DCDC2C: variants seen among roughly 807,000 people sequenced by gnomAD.
DCDC2C encodes the protein doublecortin domain containing 2C.
In DCDC2C, 44 loss-of-function variants were observed where a neutral mutation model predicts 45.0. That is an observed-to-expected ratio of 0.98 (90% CI 0.77 to 1.26). The LOEUF is 1.26. Ranked by LOEUF, DCDC2C falls within the 50% of genes most tolerant of loss-of-function variation. The probability of loss-of-function intolerance (pLI) is 0.00; values close to 1 mark genes in which losing one functional copy is unlikely to be tolerated. For synonymous variants in DCDC2C, 187 were observed against 178.8 expected, an observed-to-expected ratio of 1.05 and a Z score of -0.37; for missense variants, 447 against 468.9, an observed-to-expected ratio of 0.95 and a Z score of 0.43.
At chr2:3,777,877 G>A (rs13028529) in intron 8 of DCDC2C, among the ~76,000 whole-genome samples, 70,179 of 152,146 alleles carry the variant, frequency 0.46, 16,662 homozygotes, top group East Asian at 0.67. Context: ...TCACTTCTCT[G>A]CCCACTGTGA....
intron 10 of DCDC2C, among the ~76,000 whole-genome samples, chr2:3,843,402 G>C (rs1344617682): frequency 6.6e-6 from 1 of 152,314 alleles, no homozygotes; most frequent in East Asian, 1.9e-4. Flanking sequence ...AGTTCTCCAC[G>C]TCAGCTGAGC....
At position 3,711,040 on chromosome 2, in the gene DCDC2C, A is replaced by G. The variant is rs560513984; in HGVS notation, c.339+2440A>G. Among the ~76,000 whole-genome samples the G allele has an allele frequency of 1.2e-4, 19 of 152,378 alleles. No homozygotes were observed. The East Asian group carries it at 3.5e-3, about 28-fold the overall frequency. On this transcript the variant is annotated intron_variant, in intron 2 of 10. Transcript: ENST00000399143. Reference sequence around the variant, plus strand: ...CTGAACTAATTACATTCCCACCAACAGTGTATAAGCATTCCCTTTTCTCCA... The same window carrying G: ...CTGAACTAATTACATTCCCACCAACGGTGTATAAGCATTCCCTTTTCTCCA...
chr2:3,738,540 G>GGAA (rs1553373461), intron 3 of DCDC2C, among the ~76,000 whole-genome samples: 8 of 72,010 alleles, frequency 1.1e-4, no homozygotes, highest in African/African-American at 4.4e-4. Flanking sequence ...GTCTATCTGG[G>GGAA]AAAAAAAAAA....
intron 10 of DCDC2C, among the ~76,000 whole-genome samples, chr2:3,796,896 G>A (rs145707476): frequency 0.19 from 29,622 of 151,996 alleles, 3,273 homozygotes; most frequent in South Asian, 0.36. Flanking sequence ...AATGAGTTAC[G>A]GAGGATTCCC....
chr2:3,767,616 C>A, intron 6 of DCDC2C, 138 bp from the exon 7 acceptor site: 1 of 906,146 alleles, frequency 1.1e-6, no homozygotes, highest in Non-Finnish European at 1.6e-6. Context: ...CGAAGTGAGG[C>A]TTCTTGGAGG....
chr2:3,758,557 C>T (rs1669789203), intron 6 of DCDC2C, among the ~76,000 whole-genome samples: 1 of 152,186 alleles, frequency 6.6e-6, no homozygotes. Flanking sequence ...AGAGTGACAG[C>T]CAGCTCTTGT....
At chr2:3,802,280 T>TG (rs1671132900) in intron 10 of DCDC2C, among the ~76,000 whole-genome samples, 1 of 152,228 alleles carries the variant, frequency 6.6e-6, no homozygotes, top group African/African-American at 2.4e-5. Context: ...TTCTGAACTC[T>TG]GGGGTGAAAG....
Position 3,753,959 on chromosome 2 carries a change from T to C in DCDC2C, c.684-633T>C, listed in dbSNP as rs577717818. On this transcript the variant is annotated intron_variant, in intron 5 of 10. Coordinates refer to ENST00000399143, the MANE Select transcript of DCDC2C (RefSeq NM_001287444.2). Reference sequence around the variant, plus strand: ...TTGACTTAATTCGTGCTAATAGTCCTAATAGCACAGTGAGGAGGAACACTG... The same window carrying C: ...TTGACTTAATTCGTGCTAATAGTCCCAATAGCACAGTGAGGAGGAACACTG... Among the ~76,000 whole-genome samples, 11 of 152,316 alleles carry C rather than the reference T, an allele frequency of 7.2e-5. No homozygotes were observed. In the East Asian group the frequency reaches 2.1e-3, roughly 29 times the overall value.
intron 10 of DCDC2C, among the ~76,000 whole-genome samples, chr2:3,790,637 G>A (rs1313688181): frequency 6.6e-6 from 1 of 152,070 alleles, no homozygotes; most frequent in South Asian, 2.1e-4. Flanking sequence ...TATCTTTACT[G>A]TTTTTTCTCT....
chr2:3,705,140 T>C (rs1668033365), intron 1 of DCDC2C, among the ~76,000 whole-genome samples: 1 of 152,212 alleles, frequency 6.6e-6, no homozygotes, highest in South Asian at 2.1e-4. Context: ...GTTTTGTTTG[T>C]TGTTTTTTGA....
intron 4 of DCDC2C, among the ~76,000 whole-genome samples, chr2:3,746,284 C>T (rs112796415): frequency 0.046 from 6,946 of 152,232 alleles, 176 homozygotes; most frequent in East Asian, 0.086. Flanking sequence ...CTGAAGGACG[C>T]GGAGGAGCTG....
At chr2:3,834,559 T>C (rs1302121727) in intron 10 of DCDC2C, among the ~76,000 whole-genome samples, 2 of 152,320 alleles carry the variant, frequency 1.3e-5, no homozygotes, top group Middle Eastern at 3.4e-3. Context: ...TGGGAGGAAA[T>C]GCAGAGATCA....
chr2:3,790,169 G>A (rs1011280863), intron 10 of DCDC2C, among the ~76,000 whole-genome samples: 6 of 152,126 alleles, frequency 3.9e-5, no homozygotes, highest in Admixed American at 1.3e-4. Flanking sequence ...GAAACTGTGC[G>A]CCTTCTGCCA....
intron 2 of DCDC2C, among the ~76,000 whole-genome samples, chr2:3,714,724 T>C (rs1668305357): frequency 1.3e-5 from 2 of 152,236 alleles, no homozygotes; most frequent in Admixed American, 6.5e-5. Flanking sequence ...CATGATTTCC[T>C]GCCTTACTGA....
intron 4 of DCDC2C, among the ~76,000 whole-genome samples, chr2:3,746,646 T>G (rs1044076179): frequency 1.3e-5 from 2 of 151,938 alleles, no homozygotes; most frequent in Non-Finnish European, 2.9e-5. Context: ...AGCCGGGAGG[T>G]GATAAACAAT....
chr2:3,833,213 C>T (rs541145359), intron 10 of DCDC2C, among the ~76,000 whole-genome samples: 47 of 152,302 alleles, frequency 3.1e-4, no homozygotes, highest in Admixed American at 1.2e-3. Context: ...TTATGTTGGG[C>T]ACTCTGGATG....
At chr2:3,714,752 A>G (rs1200252409) in intron 2 of DCDC2C, among the ~76,000 whole-genome samples, 2 of 152,230 alleles carry the variant, frequency 1.3e-5, no homozygotes, top group Non-Finnish European at 2.9e-5. Context: ...GGAGAATAAA[A>G]TTTAACTTTG....
chr2:3,812,113 C>T (rs1671413112), intron 10 of DCDC2C, among the ~76,000 whole-genome samples: 1 of 151,934 alleles, frequency 6.6e-6, no homozygotes, highest in Non-Finnish European at 1.5e-5. Context: ...TGATGGACTC[C>T]CTCATTTTCA....
chr2:3,800,605 TAAG>T (rs1671089673), intron 10 of DCDC2C, among the ~76,000 whole-genome samples: 5 of 149,722 alleles, frequency 3.3e-5, no homozygotes, highest in East Asian at 2.1e-4. Context: ...CACAATCACA[TAAG>T]TGCTTTTTCT....
Sources: gnomAD v4.1 joint callset for allele counts (sites outside exome capture counted in the v4.1 genomes callset) on GRCh38, gnomAD v4.1.1 for gene constraint, MANE v1.5 for transcripts, NCBI Gene and HGNC (gene_info 2026-07-23, HGNC 2026-07-21) for gene names.